Variants in PRKCH observed in about 807,000 individuals in gnomAD.
PRKCH encodes the protein protein kinase C eta.
A neutral mutation model predicts 82.5 loss-of-function variants in PRKCH; 28 were observed. The observed-to-expected ratio is 0.34, with a 90% CI of 0.25 to 0.47. PRKCH has a LOEUF of 0.47. Ranked by LOEUF, PRKCH falls within the 20% of genes least tolerant of loss-of-function variation. The pLI is 1.00. For synonymous variants in PRKCH, 322 were observed against 327.4 expected, an observed-to-expected ratio of 0.98 and a Z score of 0.18; for missense variants, 705 against 881.8, an observed-to-expected ratio of 0.80 and a Z score of 2.54.
chr14:61,528,742 T>G (rs17098727), intron 10 of PRKCH: 21,507 of 188,822 alleles, frequency 0.11, 1,374 homozygotes, highest in African/African-American at 0.18. Flanking sequence ...GAGGATGGGG[T>G]ATAGGCTGAG....
chr14:61,326,299 A>C (rs1010521396), intron 1 of PRKCH, among the ~76,000 whole-genome samples: 8 of 152,240 alleles, frequency 5.3e-5, no homozygotes, highest in African/African-American at 1.9e-4. Flanking sequence ...AACAGGAATG[A>C]ATCTCAGAAT....
At chr14:61,299,747 T>C (rs2045435660) in intron 1 of PRKCH, 1 of 152,212 alleles carries the variant, frequency 6.6e-6, no homozygotes, top group Non-Finnish European at 1.5e-5. Context: ...TGAGACCTTT[T>C]TTTGAGACAA....
At chr14:61,539,173 G>A (rs1360282763) in intron 12 of PRKCH, among the ~76,000 whole-genome samples, 1 of 152,170 alleles carries the variant, frequency 6.6e-6, no homozygotes, top group African/African-American at 2.4e-5. Context: ...TCCGAGACTT[G>A]CCTCTAACCT....
chr14:61,262,206 G>A (rs1451567188), intron 1 of PRKCH, among the ~76,000 whole-genome samples: 3 of 97,050 alleles, frequency 3.1e-5, no homozygotes, highest in Admixed American at 2.2e-4. Flanking sequence ...CAGTGACAGA[G>A]TGAGACTCTG....
chr14:61,268,720 A>T (rs144346224), intron 1 of PRKCH, among the ~76,000 whole-genome samples: 1 of 152,350 alleles, frequency 6.6e-6, no homozygotes, highest in Non-Finnish European at 1.5e-5. Context: ...CTCAAAAAGT[A>T]GGCAAAGTTT....
chr14:61,513,139 C>T (rs532060810), intron 10 of PRKCH, among the ~76,000 whole-genome samples: 1 of 152,272 alleles, frequency 6.6e-6, no homozygotes, highest in South Asian at 2.1e-4. Flanking sequence ...CAGTTCTCAC[C>T]ATTGCTTCCT....
chr14:61,272,344 C>CTTTTT (rs1162331604), intron 1 of PRKCH, among the ~76,000 whole-genome samples: 11 of 23,610 alleles, frequency 4.7e-4, no homozygotes, highest in Admixed American at 1.1e-3. Flanking sequence ...TTTTTTCTTT[C>CTTTTT]TTTTTTTTTT....
intron 1 of PRKCH, among the ~76,000 whole-genome samples, chr14:61,336,154 A>G (rs1006249050): frequency 1.3e-5 from 2 of 152,212 alleles, no homozygotes; most frequent in Non-Finnish European, 2.9e-5. Context: ...CAGCACTTCA[A>G]TATGAAGTGA....
upstream of PRKCH, among the ~76,000 whole-genome samples, chr14:61,319,472 C>A (rs573229111): frequency 6.6e-6 from 1 of 152,234 alleles, no homozygotes; most frequent in African/African-American, 2.4e-5. Context: ...CTGATAGGTA[C>A]TGATAGGGTG....
rs1302427350 is a variant in PRKCH at position 61,269,869 on chromosome 14, A to G, written c.-19+82201A>G. Among the ~76,000 whole-genome samples the G allele has an allele frequency of 2.0e-5, 3 of 152,342 alleles. No homozygotes were observed. In the East Asian group the frequency reaches 5.8e-4, roughly 29 times the overall value. Reference sequence around the variant, plus strand: ...GTCGCTGCAGTCAGGCTCCGGCCACAGGTCCCGTCAGGGGCAGCGAGGCCA... The same window carrying G: ...GTCGCTGCAGTCAGGCTCCGGCCACGGGTCCCGTCAGGGGCAGCGAGGCCA... On this transcript the variant is annotated intron_variant, in intron 1 of 3. Transcript: ENST00000555185.
chr14:61,275,610 C>T (rs996568076), intron 1 of PRKCH, among the ~76,000 whole-genome samples: 10 of 152,134 alleles, frequency 6.6e-5, no homozygotes, highest in Admixed American at 2.0e-4. Flanking sequence ...AAGAGGTGAG[C>T]CACCATTCGC....
Position 61,549,951 on chromosome 14 carries a change from C to G in PRKCH, c.*120C>G, listed in dbSNP as rs1317289354. 9.1e-7 allele frequency: 1 copy of G among 1,103,366 alleles called. No homozygotes were observed. The highest frequency in any genetic ancestry group is 1.6e-5 in the African/African-American group (1 of 63,892). The allele number at this position is 1,103,366 out of a possible 1,614,324, so 68.3% of individuals were successfully genotyped here. A position where few individuals can be genotyped will look rare whatever the true frequency, so the allele number is the denominator to read the frequency against. ...GAACAAGAACCTTACCTTCAAGGAG[C>G]AAGTGAAGAACTCTGTGAAGGATGG... On this transcript the variant is annotated 3_prime_UTR_variant, in exon 14 of 14. Coordinates refer to ENST00000332981, the MANE Select transcript of PRKCH (RefSeq NM_006255.5).
rs1212910593 is a variant in PRKCH, at chr14:61,550,652, G to A, written c.*821G>A. 1 of 152,624 alleles carries A rather than the reference G, an allele frequency of 6.6e-6. No homozygotes were observed. Among genetic ancestry groups the A allele is most frequent in the Non-Finnish European group, 1.5e-5 (1 of 68,044 alleles). The allele number at this position is 152,624 out of a possible 1,614,324, so 9.5% of individuals were successfully genotyped here. The stretch of plus-strand genomic sequence containing the variant: ...ACATAACTCTTTTTTCACAAGAAGG[G>A]TCACTGCCACAACAGCACAGTCAGC... On this transcript the variant is annotated 3_prime_UTR_variant, in exon 14 of 14. Transcript: ENST00000332981.
rs1887093805 is a variant in PRKCH at position 61,505,385 on chromosome 14, C to CTTT, written c.1433+19731_1433+19733dup. 9.3e-5 allele frequency among the ~76,000 whole-genome samples: 7 copies of CTTT among 75,076 alleles called. No homozygotes were observed. The East Asian group carries it at 1.8e-3, about 20-fold the overall frequency. The allele number at this position is 75,076 out of a possible 152,430, so 49.3% of individuals were successfully genotyped here. A position where few individuals can be genotyped will look rare whatever the true frequency, so the allele number is the denominator to read the frequency against. ...CTCTCTAGGATTTGTCTTTTCTTTT[C>CTTT]TTTTCTTTTCTTTTTTTTTTTTTTT... On this transcript the variant is annotated intron_variant, in intron 10 of 13. Transcript: ENST00000332981.
At chr14:61,318,281 C>T (rs2045580006), upstream of PRKCH, among the ~76,000 whole-genome samples, 2 of 151,978 alleles carry the variant, frequency 1.3e-5, no homozygotes, top group Non-Finnish European at 1.5e-5. Context: ...ACTTTGTTGC[C>T]CAGGCTGCTC....
At position 61,457,541 on chromosome 14, in the gene PRKCH, C is replaced by T. The variant is rs377193834; in HGVS notation, c.1140C>T (p.Leu380=). 1 of 1,614,010 alleles carries T rather than the reference C, an allele frequency of 6.2e-7. No individual in the cohort carries two copies. Among genetic ancestry groups the T allele is most frequent in the African/African-American group, 1.3e-5 (1 of 74,912 alleles). ...CAAGAGTAAAAGAAACAGGAGACCTCTATGCTGTGAAGGTGCTGAAGAAGG... is the reference window on the plus strand; with the variant it reads ...CAAGAGTAAAAGAAACAGGAGACCTTTATGCTGTGAAGGTGCTGAAGAAGG... ...MLARVKETGD[L]YAVKVLKKDV... is the part of the protein sequence containing the mutation. Residue 380 remains leucine (L), a synonymous_variant, in exon 9 of 14, where the codon CTC becomes CTT. Transcript: ENST00000332981.
At chr14:61,504,852 C>T (rs1887068819) in intron 10 of PRKCH, among the ~76,000 whole-genome samples, 1 of 152,034 alleles carries the variant, frequency 6.6e-6, no homozygotes, top group Non-Finnish European at 1.5e-5. Flanking sequence ...TTGTCTGTAA[C>T]TTTATAGGTT....
intron 7 of PRKCH, 125 bp downstream of exon 7, chr14:61,453,478 G>A (rs1257513274): frequency 3.2e-6 from 3 of 949,466 alleles, no homozygotes; most frequent in Non-Finnish European, 4.3e-6. Flanking sequence ...CAGACTTATT[G>A]CCTTTCTTTC....
At chr14:61,340,114 A>G (rs979457430) in intron 1 of PRKCH, among the ~76,000 whole-genome samples, 8 of 89,960 alleles carry the variant, frequency 8.9e-5, no homozygotes, top group African/African-American at 2.1e-4. Context: ...CTCTTCCCTG[A>G]CAGCTGTCTG....
Sources: allele counts gnomAD v4.1 joint callset (sites outside exome capture counted in the v4.1 genomes callset), GRCh38; gene constraint gnomAD v4.1.1; transcripts MANE v1.5; gene names NCBI Gene and HGNC (gene_info 2026-07-23, HGNC 2026-07-21).